The following FRK variants were observed in gnomAD, a reference collection of about 807,000 sequenced individuals.
FRK encodes tyrosine-protein kinase FRK.
FRK carries 51 observed loss-of-function variants against 56.4 expected under a neutral mutation model. The ratio of observed to expected loss-of-function variants is 0.90; its 90% CI spans 0.72 to 1.14. The LOEUF is 1.14. Ranked by LOEUF, FRK falls within the 50% of genes most tolerant of loss-of-function variation. The pLI, the probability that FRK is intolerant of heterozygous loss-of-function variation, is 0.00. For synonymous variants in FRK, 245 were observed against 217.9 expected (o/e 1.12, Z -1.10); for missense variants, 570 against 601.4 (o/e 0.95, Z 0.55).
At chr6:115,972,645 G>A (rs1036728495) in intron 2 of FRK, among the ~76,000 whole-genome samples, 3 of 152,094 alleles carry the variant, frequency 2.0e-5, no homozygotes, top group African/African-American at 7.2e-5. Context: ...CAATTCCTTT[G>A]TCAACTGTGA....
intron 1 of FRK, among the ~76,000 whole-genome samples, chr6:116,041,904 A>G (rs952309658): frequency 6.6e-6 from 1 of 152,068 alleles, no homozygotes; most frequent in Admixed American, 6.6e-5. Flanking sequence ...AGAACCGTTC[A>G]CTCACCTGGA....
chr6:116,074,597 A>G, the FRK span, among the ~76,000 whole-genome samples: 3 of 152,298 alleles, frequency 2.0e-5, no homozygotes, highest in East Asian at 5.8e-4. Flanking sequence ...TTCACTAACA[A>G]TATTGAAACT....
the FRK span, among the ~76,000 whole-genome samples, chr6:116,068,932 A>C: frequency 1.2e-4 from 18 of 151,346 alleles, no homozygotes; most frequent in Admixed American, 3.9e-4. Flanking sequence ...TAAGATACTG[A>C]AAAAAATGAT....
At chr6:115,986,749 C>T (rs1227598203) in intron 2 of FRK, among the ~76,000 whole-genome samples, 2 of 152,060 alleles carry the variant, frequency 1.3e-5, no homozygotes, top group Admixed American at 1.3e-4. Flanking sequence ...GAAAACTGAA[C>T]CACAAACATT....
rs1262243450 is a variant in FRK, at chr6:115,932,256, GA to G, written c.*10157del. The G allele has an allele frequency of 6.6e-6, 1 of 152,140 alleles. No homozygotes were observed. Among genetic ancestry groups the G allele is most frequent in the East Asian group, 1.9e-4 (1 of 5,194 alleles). 9.4% of individuals were successfully genotyped at this position (152,140 alleles called of 1,614,324 possible). On this transcript the variant is annotated 3_prime_UTR_variant, in exon 8 of 8. Coordinates refer to ENST00000606080, the MANE Select transcript of FRK (RefSeq NM_002031.3). ...ACATCACTTTCTTAACAAAAGCAGAGAAAAATCTAAGAGTTTAGTGGGGGAA... is the reference window on the plus strand; with the variant it reads ...ACATCACTTTCTTAACAAAAGCAGAGAAAATCTAAGAGTTTAGTGGGGGAA...
chr6:115,972,696 T>G (rs1273579206), intron 2 of FRK, among the ~76,000 whole-genome samples: 1 of 152,246 alleles, frequency 6.6e-6, no homozygotes, highest in Non-Finnish European at 1.5e-5. Context: ...CTATTGTGTC[T>G]TAATAACCTC....
At chr6:115,956,379 T>A (rs1772990909) in intron 5 of FRK, 73 bp downstream of exon 5, 3 of 1,148,910 alleles carry the variant, frequency 2.6e-6, no homozygotes, top group Admixed American at 5.8e-5. Flanking sequence ...ACAGAAGGCT[T>A]GCTAAATTGA....
intron 1 of FRK, among the ~76,000 whole-genome samples, chr6:116,037,820 T>TTGTC (rs33944311): frequency 0.99 from 151,471 of 152,242 alleles, 75,357 homozygotes; most frequent in Middle Eastern, 1. Context: ...CTCTTTTTCT[T>TTGTC]TTGATTGTTT....
At chr6:116,066,008 C>G in the FRK span, among the ~76,000 whole-genome samples, 3 of 152,152 alleles carry the variant, frequency 2.0e-5, no homozygotes, top group African/African-American at 7.2e-5. Flanking sequence ...CATAGGAAGT[C>G]TCCCTACTTT....
chr6:116,093,609 C>A, the FRK span, among the ~76,000 whole-genome samples: 1 of 152,174 alleles, frequency 6.6e-6, no homozygotes, highest in African/African-American at 2.4e-5. Context: ...GCAAGCCATC[C>A]CCAGTATGGA....
At chr6:115,988,538 CA>C (rs1166740102) in intron 2 of FRK, among the ~76,000 whole-genome samples, 2 of 151,840 alleles carry the variant, frequency 1.3e-5, no homozygotes, top group Non-Finnish European at 2.9e-5. Context: ...AAACTAAAAA[CA>C]AACAAAGTTA....
chr6:116,081,568 G>T, the FRK span, among the ~76,000 whole-genome samples: 12 of 152,118 alleles, frequency 7.9e-5, no homozygotes, highest in African/African-American at 2.9e-4. Context: ...TGAGGCAGGA[G>T]AATTGCTTGA....
chr6:116,054,752 A>G (rs1340282324), intron 1 of FRK, among the ~76,000 whole-genome samples: 1 of 151,734 alleles, frequency 6.6e-6, no homozygotes, highest in Non-Finnish European at 1.5e-5. Context: ...CAAAGGGAAC[A>G]AAATAAATGA....
At chr6:116,066,832 A>C in the FRK span, among the ~76,000 whole-genome samples, 3 of 152,164 alleles carry the variant, frequency 2.0e-5, no homozygotes, top group African/African-American at 7.2e-5. Context: ...TCTGTTCTCA[A>C]CCTAAATAAT....
chr6:115,975,077 A>T (rs1308460043), intron 2 of FRK, among the ~76,000 whole-genome samples: 1 of 152,150 alleles, frequency 6.6e-6, no homozygotes, highest in East Asian at 1.9e-4. Context: ...CTGCAATATT[A>T]AATAGGTAAT....
At chr6:115,955,766 C>T (rs566046933) in intron 5 of FRK, among the ~76,000 whole-genome samples, 46 of 152,228 alleles carry the variant, frequency 3.0e-4, no homozygotes, top group Admixed American at 8.5e-4. Context: ...TTTTCAAGCT[C>T]GAATTATTGT....
rs1387946871 is a variant in FRK at position 115,940,834 on chromosome 6, T to A, written c.*1580A>T. ...ATTAAAAAGTCAGGAAACAACAGGA[T>A]GCTGTTTTGGATGCCAAAGAGGATG... On this transcript the variant is annotated 3_prime_UTR_variant, in exon 8 of 8. Transcript: ENST00000606080. The A allele has an allele frequency of 1.3e-5, 2 of 151,826 alleles. No individual in the cohort carries two copies. Among genetic ancestry groups the A allele is most frequent in the Non-Finnish European group, 2.9e-5 (2 of 67,848 alleles). 9.4% of individuals were successfully genotyped at this position (151,826 alleles called of 1,614,324 possible).
At chr6:115,997,503 G>C (rs1774886401) in intron 2 of FRK, among the ~76,000 whole-genome samples, 1 of 151,354 alleles carries the variant, frequency 6.6e-6, no homozygotes, top group South Asian at 2.1e-4. Flanking sequence ...GCACCTCTGA[G>C]ATTATTTCCC....
intron 1 of FRK, among the ~76,000 whole-genome samples, chr6:116,027,488 T>G (rs1193494991): frequency 6.6e-6 from 1 of 152,186 alleles, no homozygotes; most frequent in African/African-American, 2.4e-5. Context: ...AGATAAATTT[T>G]TTTCAATTTA....
Sources: gnomAD v4.1 joint callset for allele counts (sites outside exome capture counted in the v4.1 genomes callset) on GRCh38, gnomAD v4.1.1 for gene constraint, MANE v1.5 for transcripts, NCBI Gene and HGNC (gene_info 2026-07-23, HGNC 2026-07-21) for gene names.